The following DYSF variants were observed in gnomAD, a reference collection of about 807,000 sequenced individuals.
DYSF encodes the protein dystrophy-associated fer-1-like 1.
A neutral mutation model predicts 274.9 loss-of-function variants in DYSF; 212 were observed. That is an observed-to-expected ratio of 0.77 (90% CI 0.69 to 0.86). The LOEUF (loss-of-function observed/expected upper bound fraction) is 0.86, where lower values mean the gene tolerates loss of function less well. Among genes scored for constraint, DYSF ranks in the 40% least tolerant of loss-of-function variants. The pLI, the probability that DYSF is intolerant of heterozygous loss-of-function variation, is 0.00. For synonymous variants in DYSF, 1,091 were observed against 1,078.7 expected, an observed-to-expected ratio of 1.01 and a Z score of -0.22; for missense variants, 2,666 against 2,783.2, an observed-to-expected ratio of 0.96 and a Z score of 0.95.
intron 1 of DYSF, among the ~76,000 whole-genome samples, chr2:71,469,560 TGTATG>T (rs2081818242): frequency 6.6e-6 from 1 of 152,116 alleles, no homozygotes; most frequent in Non-Finnish European, 1.5e-5. Flanking sequence ...CAGCCTGAAA[TGTATG>T]GGGCTGGGCT....
At chr2:71,569,008 G>T (rs1438483784) in intron 26 of DYSF, among the ~76,000 whole-genome samples, 2 of 152,110 alleles carry the variant, frequency 1.3e-5, no homozygotes, top group Admixed American at 6.5e-5. Context: ...GAGTAGCTGG[G>T]ACTACAGCTG....
In DYSF at chr2:71,571,731, GCA is replaced by G. The variant is rs1356096464; in HGVS notation, c.3228+999_3228+1000del. Among the ~76,000 whole-genome samples, 176 of 100,396 alleles carry G rather than the reference GCA, an allele frequency of 1.8e-3. 1 individual carries two copies. The highest frequency in any genetic ancestry group is 6.7e-3 in the African/African-American group (136 of 20,270). The allele number at this position is 100,396 out of a possible 152,430, so 65.9% of individuals were successfully genotyped here. A position where few individuals can be genotyped will look rare whatever the true frequency, so the allele number is the denominator to read the frequency against. On this transcript the variant is annotated intron_variant, in intron 29 of 55. Coordinates refer to ENST00000410020, the MANE Select transcript of DYSF (RefSeq NM_001130987.2). ...AGTCAGCACACACAGATCACACCCA[GCA>G]CACACACAGATCACAGTCAGCACAC...
At chr2:71,628,596 G>T (rs2094253294) in intron 41 of DYSF, among the ~76,000 whole-genome samples, 1 of 151,776 alleles carries the variant, frequency 6.6e-6, no homozygotes, top group African/African-American at 2.4e-5. Context: ...CTCTTTTCTG[G>T]CTTCCATTGT....
chr2:71,613,401 C>G lies in DYSF; in HGVS notation c.4455C>G (p.Ile1485Met), dbSNP rs758226677. 7 of 1,612,642 alleles carry G rather than the reference C, an allele frequency of 4.3e-6. No individual in the cohort carries two copies. In the East Asian group the frequency reaches 1.3e-4, roughly 31 times the overall value. ...LIDIDDKEPLIPIQLADGLSS... is the reference protein window; with the variant it reads ...LIDIDDKEPLMPIQLADGLSS... ...ACATTGATGACAAGGAGCCCCTCAT[C>G]CCCATCCAGGTAGGATGGGCATCCT... Residue 1485 changes from isoleucine to methionine, a missense_variant, in exon 40 of 56, where the codon ATC becomes ATG. Ile to Met is a conservative substitution (Grantham distance 10, BLOSUM62 1). Transcript: ENST00000410020.
At chr2:71,618,452 GGGGT>G (rs1558640450) in intron 40 of DYSF, among the ~76,000 whole-genome samples, 332 of 2,670 alleles carry the variant, frequency 0.12, no homozygotes, top group Non-Finnish European at 0.14. Context: ...TGGTAGAGGT[GGGGT>G]TGTGTGTGTG....
chr2:71,618,559 AGT>A (rs151307817), intron 40 of DYSF, among the ~76,000 whole-genome samples: 5 of 113,680 alleles, frequency 4.4e-5, no homozygotes, highest in African/African-American at 1.4e-4. Flanking sequence ...GTAGAGGTGG[AGT>A]GTGTGTTTGT....
intron 48 of DYSF, 113 bp from the exon 49 acceptor site, chr2:71,668,641 G>A (rs1474415996): frequency 9.8e-7 from 1 of 1,023,624 alleles, no homozygotes; most frequent in East Asian, 2.6e-5. Context: ...GGCTTTCTCT[G>A]GAAGGGCCTG....
In DYSF at chr2:71,561,946, T is replaced by TA; in HGVS notation, c.2409+4dup. ...CGTCTGCGTGCCCTGGCAGAGGAGG[T>TA]AATTAAGCCTGGGGGTGCCTTTCTT... On this transcript the variant is annotated splice_region_variant and intron_variant, in intron 23 of 55. Transcript: ENST00000410020. The TA allele has an allele frequency of 1.2e-6, 2 of 1,612,774 alleles. No individual in the cohort carries two copies. The highest frequency in any genetic ancestry group is 1.7e-6 in the Non-Finnish European group (2 of 1,179,634).
chr2:71,660,111 G>A (rs551220539), intron 44 of DYSF, among the ~76,000 whole-genome samples: 19 of 152,358 alleles, frequency 1.2e-4, no homozygotes, highest in Non-Finnish European at 2.1e-4. Flanking sequence ...CTGCTGGGTC[G>A]CTGGCTGAGG....
intron 36 of DYSF, among the ~76,000 whole-genome samples, chr2:71,608,079 G>C (rs1404023614): frequency 6.6e-6 from 1 of 152,004 alleles, no homozygotes; most frequent in Non-Finnish European, 1.5e-5. Context: ...CTGAGGGGGT[G>C]AGAGAGAGAA....
intron 3 of DYSF, 80 bp downstream of exon 3, chr2:71,482,050 GC>G: frequency 8.6e-7 from 1 of 1,158,524 alleles, no homozygotes; most frequent in Non-Finnish European, 1.3e-6. Context: ...AGAATCCCAG[GC>G]CCCAGGGAGC....
chr2:71,567,947 C>T lies in DYSF; in HGVS notation c.2566-4C>T. 3 of 1,614,060 alleles carry T rather than the reference C, an allele frequency of 1.9e-6. No individual in the cohort carries two copies. Among genetic ancestry groups the T allele is most frequent in the African/African-American group, 1.3e-5 (1 of 75,018 alleles). On this transcript the variant is annotated splice_polypyrimidine_tract_variant and splice_region_variant and intron_variant, in intron 24 of 55. Transcript: ENST00000410020. ...GTGGGTTTCTGTCCTTCTCTGGTACCCAGTATCCGATGGAGAAGGTGCCTG... is the reference window on the plus strand; with the variant it reads ...GTGGGTTTCTGTCCTTCTCTGGTACTCAGTATCCGATGGAGAAGGTGCCTG...
At chr2:71,540,490 T>C (rs1178864530) in intron 17 of DYSF, among the ~76,000 whole-genome samples, 2 of 152,180 alleles carry the variant, frequency 1.3e-5, no homozygotes, top group Non-Finnish European at 2.9e-5. Context: ...GCTCTCATCA[T>C]GCCCCTAGGC....
chr2:71,633,029 T>G (rs976787303), intron 41 of DYSF, among the ~76,000 whole-genome samples: 2 of 152,130 alleles, frequency 1.3e-5, no homozygotes, highest in African/African-American at 4.8e-5. Context: ...GAAATCAGAG[T>G]AGGTGGAGTA....
At chr2:71,612,864 A>T in intron 39 of DYSF, 58 bp downstream of exon 39, 1 of 1,564,676 alleles carries the variant, frequency 6.4e-7, no homozygotes. Context: ...GGGCCAAGCT[A>T]CCCTTCCTAG....
chr2:71,506,466 G>A (rs764668570), intron 4 of DYSF, among the ~76,000 whole-genome samples: 6 of 151,534 alleles, frequency 4.0e-5, no homozygotes, highest in East Asian at 1.9e-4. Context: ...GGCCTTGTGC[G>A]TGGAGAACCC....
chr2:71,480,769 T>A, intron 1 of DYSF, 114 bp from the exon 2 acceptor site: 1 of 941,106 alleles, frequency 1.1e-6, no homozygotes, highest in Non-Finnish European at 1.7e-6. Flanking sequence ...GTTGATTTTG[T>A]AAGATTTCCC....
intron 51 of DYSF, among the ~76,000 whole-genome samples, chr2:71,670,401 C>A (rs2095098799): frequency 6.6e-6 from 1 of 152,228 alleles, no homozygotes; most frequent in Non-Finnish European, 1.5e-5. Context: ...CCAGTCTGGC[C>A]TATAGATCAT....
intron 32 of DYSF, among the ~76,000 whole-genome samples, chr2:71,590,839 C>G (rs929305037): frequency 5.3e-5 from 8 of 152,176 alleles, no homozygotes; most frequent in Non-Finnish European, 1.2e-4. Flanking sequence ...CCTGAGGATT[C>G]TACCTCCTGA....
Sources: allele counts gnomAD v4.1 joint callset (sites outside exome capture counted in the v4.1 genomes callset), GRCh38; gene constraint gnomAD v4.1.1; transcripts MANE v1.5; gene names NCBI Gene and HGNC (gene_info 2026-07-23, HGNC 2026-07-21).